Variants in HMBOX1 observed in about 807,000 individuals in gnomAD.
HMBOX1 encodes homeobox-containing protein 1.
A neutral mutation model predicts 54.5 loss-of-function variants in HMBOX1; 14 were observed. The observed-to-expected ratio is 0.26, with a 90% CI of 0.17 to 0.40. The LOEUF is 0.40. Among genes scored for constraint, HMBOX1 ranks in the 10% least tolerant of loss-of-function variants. HMBOX1 has a pLI of 1.00. For synonymous variants in HMBOX1, 160 were observed against 181.0 expected (o/e 0.88, Z 0.93); for missense variants, 332 against 514.4 (o/e 0.65, Z 3.43).
At chr8:29,007,229 C>T (rs1833588391) in intron 4 of HMBOX1, among the ~76,000 whole-genome samples, 1 of 151,520 alleles carries the variant, frequency 6.6e-6, no homozygotes, top group Non-Finnish European at 1.5e-5. Context: ...GTGGAGGTTG[C>T]AGTGAACCGA....
intron 5 of HMBOX1, chr8:29,009,989 T>A (rs1389301318): frequency 1.0e-6 from 1 of 984,496 alleles, no homozygotes; most frequent in African/African-American, 1.7e-5. Flanking sequence ...AGTTGAAATA[T>A]TGCATAATAA....
At chr8:28,927,209 T>C (rs925332142) in intron 1 of HMBOX1, among the ~76,000 whole-genome samples, 1 of 152,242 alleles carries the variant, frequency 6.6e-6, no homozygotes, top group African/African-American at 2.4e-5. Context: ...GTGATTATTA[T>C]GCATTGCATG....
intron 4 of HMBOX1, among the ~76,000 whole-genome samples, chr8:28,982,244 CA>C (rs1829472227): frequency 6.6e-6 from 1 of 151,962 alleles, no homozygotes; most frequent in African/African-American, 2.4e-5. Flanking sequence ...AAAACAAAAA[CA>C]AAAAATACTG....
chr8:28,957,498 A>C (rs1220623128), intron 1 of HMBOX1, among the ~76,000 whole-genome samples: 1 of 152,180 alleles, frequency 6.6e-6, no homozygotes, highest in African/African-American at 2.4e-5. Flanking sequence ...TTGTACCCCA[A>C]ATCTCAGCAT....
chr8:29,014,838 C>A (rs930789814), intron 5 of HMBOX1, among the ~76,000 whole-genome samples: 2 of 152,092 alleles, frequency 1.3e-5, no homozygotes, highest in Non-Finnish European at 2.9e-5. Flanking sequence ...TGCCACCACA[C>A]CCAGCAAATT....
chr8:28,948,918 A>G (rs374698089), intron 1 of HMBOX1, among the ~76,000 whole-genome samples: 1 of 152,220 alleles, frequency 6.6e-6, no homozygotes, highest in African/African-American at 2.4e-5. Context: ...CAGAAACTCA[A>G]GACCACAAGT....
intron 6 of HMBOX1, among the ~76,000 whole-genome samples, chr8:29,037,542 G>A (rs1476062323): frequency 2.0e-5 from 3 of 151,954 alleles, no homozygotes; most frequent in Non-Finnish European, 4.4e-5. Flanking sequence ...TTAACATTTG[G>A]CATATTTCAT....
At chr8:29,010,248 C>G (rs938090254) in intron 5 of HMBOX1, 4 of 575,950 alleles carry the variant, frequency 6.9e-6, no homozygotes, top group Non-Finnish European at 8.8e-6. Flanking sequence ...CCTGTTTACT[C>G]TTTCTTAGAT....
intron 1 of HMBOX1, among the ~76,000 whole-genome samples, chr8:28,958,740 G>A (rs1824929800): frequency 6.6e-6 from 1 of 152,060 alleles, no homozygotes; most frequent in Non-Finnish European, 1.5e-5. Context: ...GTGTTTTGCT[G>A]TTTAGAATAA....
chr8:28,955,635 G>T (rs1586067965), intron 1 of HMBOX1, among the ~76,000 whole-genome samples: 1 of 152,082 alleles, frequency 6.6e-6, no homozygotes, highest in Non-Finnish European at 1.5e-5. Context: ...TTTCTGTGTT[G>T]ATCGAAACAA....
intron 1 of HMBOX1, among the ~76,000 whole-genome samples, chr8:28,896,033 TGA>T (rs1286392074): frequency 1.3e-5 from 2 of 152,180 alleles, no homozygotes; most frequent in African/African-American, 4.8e-5. Context: ...AATCAAAAAT[TGA>T]GAGTCATACC....
At chr8:28,947,711 T>C (rs1214666115) in intron 1 of HMBOX1, among the ~76,000 whole-genome samples, 1 of 152,252 alleles carries the variant, frequency 6.6e-6, no homozygotes, top group African/African-American at 2.4e-5. Flanking sequence ...GCTAAGATAA[T>C]ATTTCATATT....
At chr8:29,035,412 A>G (rs1036612791) in intron 6 of HMBOX1, among the ~76,000 whole-genome samples, 1 of 152,200 alleles carries the variant, frequency 6.6e-6, no homozygotes, top group Non-Finnish European at 1.5e-5. Flanking sequence ...ACCAGGAATA[A>G]GAAACTTAAT....
chr8:28,934,258 G>A (rs1025222486), intron 1 of HMBOX1, among the ~76,000 whole-genome samples: 9 of 152,148 alleles, frequency 5.9e-5, no homozygotes, highest in South Asian at 2.1e-4. Context: ...GACATCATTC[G>A]TAATGTAAAA....
intron 4 of HMBOX1, among the ~76,000 whole-genome samples, chr8:28,981,346 A>T (rs1829315332): frequency 1.3e-5 from 2 of 152,292 alleles, no homozygotes; most frequent in African/African-American, 4.8e-5. Flanking sequence ...GCGTTAGTTT[A>T]ATTGTTGTAG....
chr8:28,960,781 T>G (rs77291060), intron 1 of HMBOX1, among the ~76,000 whole-genome samples: 10,827 of 44,950 alleles, frequency 0.24, 948 homozygotes, highest in East Asian at 0.33. Context: ...TTTTTTTTTT[T>G]TTTTTTTTTT....
chr8:29,031,802 A>G (rs975436831), intron 6 of HMBOX1, among the ~76,000 whole-genome samples: 1 of 152,160 alleles, frequency 6.6e-6, no homozygotes, highest in Non-Finnish European at 1.5e-5. Context: ...GGCTCAGTCC[A>G]TTGGAGGAGT....
At chr8:29,039,740 T>A (rs1000112608) in intron 6 of HMBOX1, among the ~76,000 whole-genome samples, 1 of 152,124 alleles carries the variant, frequency 6.6e-6, no homozygotes, top group African/African-American at 2.4e-5. Flanking sequence ...TCAGAGCACA[T>A]GTGAAAAAGA....
chr8:28,966,809 C>CTAG (rs1429598271), intron 2 of HMBOX1, among the ~76,000 whole-genome samples: 1 of 152,182 alleles, frequency 6.6e-6, no homozygotes, highest in Non-Finnish European at 1.5e-5. Flanking sequence ...AATGATCATT[C>CTAG]TAGCAATTGT....
Sources: allele counts gnomAD v4.1 joint callset (sites outside exome capture counted in the v4.1 genomes callset), GRCh38; gene constraint gnomAD v4.1.1; transcripts MANE v1.5; gene names NCBI Gene and HGNC (gene_info 2026-07-23, HGNC 2026-07-21).